The following AASDH variants were observed in gnomAD, a reference collection of about 807,000 sequenced individuals.
AASDH encodes the protein beta-alanine-activating enzyme.
AASDH carries 81 observed loss-of-function variants against 102.3 expected under a neutral mutation model. The ratio of observed to expected loss-of-function variants is 0.79; its 90% CI spans 0.66 to 0.95. The LOEUF (loss-of-function observed/expected upper bound fraction) is 0.95, where lower values mean the gene tolerates loss of function less well. AASDH is among the 40% of genes least tolerant of loss of function. The probability of loss-of-function intolerance (pLI) is 0.00; values close to 1 mark genes in which losing one functional copy is unlikely to be tolerated. For missense variants in AASDH, 1,203 were observed against 1,266.2 expected (o/e 0.95, Z 0.76); for synonymous variants, 398 against 454.0 (o/e 0.88, Z 1.57).
At chr4:56,369,232 A>T (rs1451637872) in intron 5 of AASDH, among the ~76,000 whole-genome samples, 2 of 152,232 alleles carry the variant, frequency 1.3e-5, no homozygotes, top group Non-Finnish European at 2.9e-5. Context: ...AACATCAAAC[A>T]AGGGGATGAG....
intron 12 of AASDH, among the ~76,000 whole-genome samples, chr4:56,344,194 C>T (rs981348247): frequency 4.6e-5 from 7 of 152,070 alleles, no homozygotes; most frequent in Non-Finnish European, 8.8e-5. Flanking sequence ...TTATTTTTGC[C>T]AGGATTTCTA....
intron 12 of AASDH, among the ~76,000 whole-genome samples, 174 bp downstream of exon 12, chr4:56,344,953 T>C (rs1275717191): frequency 6.7e-6 from 1 of 150,308 alleles, no homozygotes; most frequent in Admixed American, 6.6e-5. Context: ...TTTTTTTTTT[T>C]TTTTTTGAGA....
At chr4:56,365,708 G>A (rs558594534) in intron 5 of AASDH, among the ~76,000 whole-genome samples, 2,424 of 150,506 alleles carry the variant, frequency 0.016, 76 homozygotes, top group African/African-American at 0.056. Context: ...TCTCTGGGAC[G>A]CATTCAAAGC....
At position 56,342,897 on chromosome 4, in the gene AASDH, G is replaced by A. The variant is rs763638899; in HGVS notation, c.2845C>T (p.Gln949Ter). The A allele has an allele frequency of 4.4e-6, 7 of 1,591,636 alleles. No individual in the cohort carries two copies. The change falls in exon 14 of 15, where the codon CAG becomes TAG. Residue 949 changes from glutamine to a stop codon, truncating the protein, a stop_gained. Coordinates refer to ENST00000205214, the MANE Select transcript of AASDH (RefSeq NM_181806.4). LOFTEE classifies it high-confidence loss of function. ...PLFSSPQCCSQYICIGCVDGN... is the reference protein window; with the variant it reads ...PLFSSPQCCS ...TCTACACAGCCAATACAAATATACT[G>A]TGAGCAACATTGTGGGGAAGAGAAG...
At chr4:56,339,521 C>T (rs1268294974) in intron 14 of AASDH, among the ~76,000 whole-genome samples, 1 of 152,082 alleles carries the variant, frequency 6.6e-6, no homozygotes, top group Non-Finnish European at 1.5e-5. Flanking sequence ...GAGGCCAAGG[C>T]AGGCAGATCA....
At chr4:56,362,704 T>C (rs746858758) in intron 5 of AASDH, among the ~76,000 whole-genome samples, 7 of 152,184 alleles carry the variant, frequency 4.6e-5, no homozygotes, top group Non-Finnish European at 8.8e-5. Context: ...TGATGACTTA[T>C]ATATCATTTG....
chr4:56,349,104 C>G (rs1414059935), intron 11 of AASDH, 159 bp downstream of exon 11: 1 of 766,734 alleles, frequency 1.3e-6, no homozygotes, highest in Non-Finnish European at 2.0e-6. Flanking sequence ...ACTCTTGACC[C>G]CAAGGCCCAC....
At chr4:56,355,593 GTTTTTTTTT>G (rs149149581) in intron 5 of AASDH, among the ~76,000 whole-genome samples, 170 bp from the exon 6 acceptor site, 3 of 91,880 alleles carry the variant, frequency 3.3e-5, no homozygotes, top group South Asian at 9.0e-4. Flanking sequence ...TTATCTTCTT[GTTTTTTTTT>G]TTTTTTTTTT....
intron 3 of AASDH, among the ~76,000 whole-genome samples, chr4:56,380,717 T>G (rs1485573118): frequency 2.0e-5 from 3 of 152,224 alleles, no homozygotes; most frequent in Admixed American, 2.0e-4. Flanking sequence ...CTGTCCGTAG[T>G]GCAAGGTTTC....
rs1748184941 is a variant in AASDH, at chr4:56,345,165, C to T, written c.2614G>A (p.Gly872Arg). Residue 872 changes from glycine (G) to arginine (R), a missense_variant, in exon 12 of 15, where the codon GGA becomes AGA. Transcript: ENST00000205214. Reference sequence around the variant, plus strand: ...GCATATGCGTGCTGGTCATGAGATCCAATGTAAATGAGTCCTGTGGTTGGA... The same window carrying T: ...GCATATGCGTGCTGGTCATGAGATCTAATGTAAATGAGTCCTGTGGTTGGA... ...MDPTTGLIYI[G>R]SHDQHAYALD... The T allele has an allele frequency of 1.2e-6, 2 of 1,614,022 alleles. No homozygotes were observed. The highest frequency in any genetic ancestry group is 1.7e-6 in the Non-Finnish European group (2 of 1,180,006).
intron 5 of AASDH, among the ~76,000 whole-genome samples, chr4:56,359,093 T>C (rs567472850): frequency 6.9e-6 from 1 of 144,198 alleles, no homozygotes; most frequent in Non-Finnish European, 1.5e-5. Context: ...CTTGCTTTTT[T>C]TTGTTGTTGT....
Position 56,387,451 on chromosome 4 carries a change from C to T in AASDH, c.-132G>A, listed in dbSNP as rs1379382308. ...ACTTCTCACAGCGAAGCAGCAGCTC[C>T]CAGAAGCCGTAAAGCTATCCCAGAG... On this transcript the variant is annotated 5_prime_UTR_variant, in exon 1 of 15. Coordinates refer to ENST00000205214, the MANE Select transcript of AASDH (RefSeq NM_181806.4). The T allele has an allele frequency of 3.3e-5, 5 of 152,366 alleles. No individual in the cohort carries two copies. In the East Asian group the frequency reaches 9.6e-4, roughly 29 times the overall value. The allele number at this position is 152,366 out of a possible 1,614,324, so 9.4% of individuals were successfully genotyped here.
chr4:56,363,304 A>T (rs1310823789), intron 5 of AASDH, among the ~76,000 whole-genome samples: 1 of 152,252 alleles, frequency 6.6e-6, no homozygotes, highest in Non-Finnish European at 1.5e-5. Context: ...GGGGCAGGGC[A>T]CAGACAAACA....
At chr4:56,364,903 A>T (rs977269995) in intron 5 of AASDH, among the ~76,000 whole-genome samples, 1 of 152,244 alleles carries the variant, frequency 6.6e-6, no homozygotes, top group Non-Finnish European at 1.5e-5. Flanking sequence ...TAAATGCTCC[A>T]GTTAAAAGAC....
chr4:56,348,240 C>G (rs1748550717), intron 11 of AASDH, among the ~76,000 whole-genome samples: 1 of 150,222 alleles, frequency 6.7e-6, no homozygotes, highest in African/African-American at 2.4e-5. Context: ...TTGAATGTGG[C>G]CTGAACTGAG....
intron 5 of AASDH, among the ~76,000 whole-genome samples, chr4:56,363,961 T>A (rs1750663987): frequency 6.6e-6 from 1 of 151,748 alleles, no homozygotes. Flanking sequence ...GGCAAAGAAG[T>A]TAAAAACCTT....
At chr4:56,350,085 G>C in intron 10 of AASDH, 27 bp from the exon 11 acceptor site, 1 of 1,522,568 alleles carries the variant, frequency 6.6e-7, no homozygotes, top group Non-Finnish European at 8.7e-7. Flanking sequence ...AGAGAAATAT[G>C]TGACGTAAAG....
Position 56,349,335 on chromosome 4 carries a change from A to G in AASDH, c.2416T>C (p.Trp806Arg). 2 of 1,614,176 alleles carry G rather than the reference A, an allele frequency of 1.2e-6. No individual in the cohort carries two copies. Among genetic ancestry groups the G allele is most frequent in the Non-Finnish European group, 1.7e-6 (2 of 1,180,040 alleles). Residue 806 changes from tryptophan (W) to arginine (R), a missense_variant, in exon 11 of 15, where the codon TGG becomes CGG. By Grantham distance (101) the Trp-to-Arg change is moderately radical (BLOSUM62 -3). Transcript: ENST00000205214. ...ATTCGATCTCCCAAAATCTGTTCCCATTTTACCTTCCCAGAGTAAAAGTCA... is the reference window on the plus strand; with the variant it reads ...ATTCGATCTCCCAAAATCTGTTCCCGTTTTACCTTCCCAGAGTAAAAGTCA... The part of the protein sequence containing the change: ...AVDFYSGKVK[W>R]EQILGDRIES...
chr4:56,347,625 G>A (rs948834169), intron 11 of AASDH, among the ~76,000 whole-genome samples: 5 of 152,174 alleles, frequency 3.3e-5, no homozygotes, highest in African/African-American at 1.2e-4. Context: ...CACCAGGCCA[G>A]ACATGGTGGC....
Sources: allele counts gnomAD v4.1 joint callset (sites outside exome capture counted in the v4.1 genomes callset), GRCh38; gene constraint gnomAD v4.1.1; transcripts MANE v1.5; gene names NCBI Gene and HGNC (gene_info 2026-07-23, HGNC 2026-07-21).